SANBR: variants seen among roughly 807,000 people sequenced by gnomAD.
SANBR encodes the protein SANT and BTB domain regulator of CSR.
Under a neutral mutation model 101.8 loss-of-function variants are expected in SANBR, and 77 were observed. That is an observed-to-expected ratio of 0.76 (90% CI 0.63 to 0.91). The LOEUF is 0.91. SANBR is among the 40% of genes least tolerant of loss of function. The pLI is 0.00. For missense variants in SANBR, 875 were observed against 853.0 expected, an observed-to-expected ratio of 1.03 and a Z score of -0.32; for synonymous variants, 279 against 274.7, an observed-to-expected ratio of 1.02 and a Z score of -0.15.
chr2:61,071,552 A>G, intron 3 of SANBR, 54 bp from the exon 4 acceptor site: 2 of 1,162,322 alleles, frequency 1.7e-6, no homozygotes, highest in Non-Finnish European at 2.3e-6. Flanking sequence ...TCCGTCTCAA[A>G]AAAAAAAAAA....
At chr2:61,121,745 C>A (rs1029533460) in intron 21 of SANBR, among the ~76,000 whole-genome samples, 6 of 152,110 alleles carry the variant, frequency 3.9e-5, no homozygotes, top group Non-Finnish European at 1.5e-5. Context: ...ATTAATATTA[C>A]AGATTCTAAT....
intron 10 of SANBR, among the ~76,000 whole-genome samples, chr2:61,090,909 CT>C (rs747161495): frequency 0.013 from 1,827 of 139,216 alleles, 13 homozygotes; most frequent in Admixed American, 0.051. Context: ...TTTAAAATTC[CT>C]TTTTTTTTTT....
intron 2 of SANBR, chr2:61,069,749 A>G (rs1681361331): frequency 6.6e-6 from 1 of 152,358 alleles, no homozygotes; most frequent in African/African-American, 2.4e-5. Context: ...CAAATGTTTT[A>G]TGTTTGAATG....
chr2:61,101,190 G>A (rs539066387), intron 12 of SANBR, among the ~76,000 whole-genome samples: 5 of 152,234 alleles, frequency 3.3e-5, no homozygotes, highest in Admixed American at 1.3e-4. Context: ...GGCATGAGAC[G>A]TTAAGCAAAA....
chr2:61,076,836 C>G, intron 5 of SANBR, 84 bp from the exon 6 acceptor site: 4 of 936,864 alleles, frequency 4.3e-6, no homozygotes, highest in Non-Finnish European at 6.6e-6. Context: ...ACATCTTGTT[C>G]TCTTCCCTTC....
intron 10 of SANBR, 169 bp downstream of exon 10, chr2:61,088,637 C>T: frequency 2.4e-6 from 1 of 408,578 alleles, no homozygotes; most frequent in Non-Finnish European, 4.2e-6. Context: ...TCTCCTGCCT[C>T]AGCTTCCTGA....
intron 2 of SANBR, among the ~76,000 whole-genome samples, chr2:61,069,415 C>G (rs1681344406): frequency 6.6e-6 from 1 of 152,128 alleles, no homozygotes; most frequent in Non-Finnish European, 1.5e-5. Context: ...GTAGTAGAGC[C>G]AAAACTCAAA....
intron 10 of SANBR, chr2:61,089,221 A>T (rs1454838748): frequency 6.1e-6 from 6 of 984,374 alleles, no homozygotes; most frequent in Non-Finnish European, 7.2e-6. Flanking sequence ...GTATTTCATT[A>T]ATATGTAGGC....
chr2:61,074,299 CT>C (rs1314809209), intron 5 of SANBR, among the ~76,000 whole-genome samples: 3 of 152,224 alleles, frequency 2.0e-5, no homozygotes, highest in African/African-American at 7.2e-5. Flanking sequence ...TGCCACTGAA[CT>C]TAAAAGTGGT....
At chr2:61,077,897 A>G (rs1193190882) in intron 6 of SANBR, among the ~76,000 whole-genome samples, 2 of 152,326 alleles carry the variant, frequency 1.3e-5, no homozygotes, top group Admixed American at 6.5e-5. Context: ...ATTTTCTTGA[A>G]AATGAGCTGC....
At position 61,122,228 on chromosome 2, in the gene SANBR, T is replaced by C; in HGVS notation, c.*66T>C. On this transcript the variant is annotated 3_prime_UTR_variant, in exon 22 of 22. Coordinates refer to ENST00000402291, the MANE Select transcript of SANBR (RefSeq NM_001129993.3). ...CTGGACATCTGAAATTGCTCACTTCTTGAAGATCTTCAGAACAATGACTTC... is the reference window on the plus strand; with the variant it reads ...CTGGACATCTGAAATTGCTCACTTCCTGAAGATCTTCAGAACAATGACTTC... 1 of 1,497,944 alleles carries C rather than the reference T, an allele frequency of 6.7e-7. No individual in the cohort carries two copies. Among genetic ancestry groups the C allele is most frequent in the Non-Finnish European group, 8.9e-7 (1 of 1,121,406 alleles). 92.8% of individuals were successfully genotyped at this position (1,497,944 alleles called of 1,614,324 possible).
intron 12 of SANBR, among the ~76,000 whole-genome samples, chr2:61,102,755 C>A (rs1683350661): frequency 6.6e-6 from 1 of 151,890 alleles, no homozygotes; most frequent in Non-Finnish European, 1.5e-5. Flanking sequence ...CCAGGCTGGT[C>A]TCGAACTCTT....
exon 21 of SANBR, chr2:61,134,144 A>G (rs760497800): frequency 8.7e-6 from 14 of 1,614,114 alleles, no homozygotes; most frequent in Non-Finnish European, 1.2e-5. Flanking sequence ...CAGACAGACA[A>G]ACTGAGACCC....
In SANBR at chr2:61,098,134, C is replaced by T. The variant is rs187513517; in HGVS notation, c.1365+282C>T. 1.6e-4 allele frequency among the ~76,000 whole-genome samples: 23 copies of T among 146,044 alleles called. No individual in the cohort carries two copies. The South Asian group carries it at 1.9e-3, about 12-fold the overall frequency. On this transcript the variant is annotated intron_variant, in intron 12 of 21. Transcript: ENST00000402291. ...GTTTTTTTTTTTTGAGATGGGGTCT[C>T]GCTCTGTTGCCCAGGGTGGAGTGCA...
At chr2:61,066,104 C>A (rs1681134321) in intron 1 of SANBR, 77 bp downstream of exon 1, 1 of 152,236 alleles carries the variant, frequency 6.6e-6, no homozygotes, top group African/African-American at 2.4e-5. Context: ...CGCTCACAGC[C>A]AGCCGGCTCC....
chr2:61,110,269 C>T (rs1181284032), intron 16 of SANBR, among the ~76,000 whole-genome samples: 1 of 152,088 alleles, frequency 6.6e-6, no homozygotes, highest in Non-Finnish European at 1.5e-5. Flanking sequence ...TTGGTCTGTG[C>T]GCAGTGGCTC....
At chr2:61,118,909 G>A (rs1440075447) in intron 20 of SANBR, among the ~76,000 whole-genome samples, 6 of 152,084 alleles carry the variant, frequency 3.9e-5, no homozygotes, top group East Asian at 1.9e-4. Flanking sequence ...GTTTATTCAC[G>A]TAAAAGTTTT....
At chr2:61,087,881 T>C (rs1392413332) in intron 8 of SANBR, among the ~76,000 whole-genome samples, 1 of 151,484 alleles carries the variant, frequency 6.6e-6, no homozygotes, top group Non-Finnish European at 1.5e-5. Context: ...AAAAATAAAA[T>C]TTAAAAATGA....
intron 16 of SANBR, among the ~76,000 whole-genome samples, chr2:61,111,561 TTTGA>T (rs141102269): frequency 3.2e-4 from 49 of 152,334 alleles, no homozygotes; most frequent in Middle Eastern, 3.4e-3. Context: ...TTTTCAACAG[TTTGA>T]TTGAGGTATA....
Sources: gnomAD v4.1 joint callset for allele counts (sites outside exome capture counted in the v4.1 genomes callset) on GRCh38, gnomAD v4.1.1 for gene constraint, MANE v1.5 for transcripts, NCBI Gene and HGNC (gene_info 2026-07-23, HGNC 2026-07-21) for gene names.